The following CFAP20DC variants were observed in gnomAD, a reference collection of about 807,000 sequenced individuals.
The protein encoded by CFAP20DC is CFAP20 domain containing, also known as protein CFAP20DC.
A neutral mutation model predicts 101.7 loss-of-function variants in CFAP20DC; 84 were observed. The ratio of observed to expected loss-of-function variants is 0.83; its 90% confidence interval spans 0.69 to 0.99. The LOEUF is 0.99. CFAP20DC is among the 50% of genes least tolerant of loss of function. The probability of loss-of-function intolerance (pLI) is 0.00; values close to 1 mark genes in which losing one functional copy is unlikely to be tolerated. For missense variants in CFAP20DC, 1,007 were observed against 970.3 expected (o/e 1.04, Z -0.50); for synonymous variants, 359 against 351.2 (o/e 1.02, Z -0.25).
At position 58,870,229 on chromosome 3, in the gene CFAP20DC, C is replaced by T. The variant is rs776561565; in HGVS notation, c.796G>A (p.Val266Ile). Reference sequence around the variant, plus strand: ...CCAGAGAGTGGAGGTGGCCCAAGAACTTTGGATCCAAATGCGATATGACAA... The same window carrying T: ...CCAGAGAGTGGAGGTGGCCCAAGAATTTTGGATCCAAATGCGATATGACAA... The part of the protein sequence containing the change: ...DVCHIAFGSK[V>I]LGPPPLSGRR... The change falls in exon 8 of 17, where the codon GTT becomes ATT. Residue 266 changes from valine to isoleucine, a missense_variant. Physicochemically the swap from Val to Ile is conservative, Grantham distance 29 (BLOSUM62 3). Coordinates refer to ENST00000482387, the MANE Select transcript of CFAP20DC (RefSeq NM_001394063.1). 2.5e-6 allele frequency: 4 copies of T among 1,614,032 alleles called. No individual in the cohort carries two copies. The highest frequency in any genetic ancestry group is 2.7e-5 in the African/African-American group (2 of 74,908).
At chr3:58,834,086 T>C (rs2076578068) in intron 13 of CFAP20DC, among the ~76,000 whole-genome samples, 1 of 152,158 alleles carries the variant, frequency 6.6e-6, no homozygotes, top group Non-Finnish European at 1.5e-5. Context: ...GTTTTCCTTT[T>C]GGAGTGATTA....
intron 12 of CFAP20DC, among the ~76,000 whole-genome samples, chr3:58,854,502 C>A (rs1012798318): frequency 5.3e-5 from 8 of 152,022 alleles, no homozygotes; most frequent in Non-Finnish European, 8.8e-5. Context: ...GTTCATATGG[C>A]ACCAAAAAAG....
chr3:58,955,267 T>G (rs2090523665), intron 4 of CFAP20DC, among the ~76,000 whole-genome samples: 1 of 152,146 alleles, frequency 6.6e-6, no homozygotes, highest in East Asian at 1.9e-4. Context: ...AGGTGAGCAC[T>G]CACAGTACCT....
intron 4 of CFAP20DC, among the ~76,000 whole-genome samples, chr3:58,982,601 C>T (rs888808370): frequency 6.7e-6 from 1 of 149,548 alleles, no homozygotes; most frequent in Non-Finnish European, 1.5e-5. Context: ...CAAACTATCA[C>T]AAGGACAAAA....
At chr3:58,870,053 GTGTCTGTC>G (rs10670247) in intron 8 of CFAP20DC, 112 bp downstream of exon 8, 6 of 915,562 alleles carry the variant, frequency 6.6e-6, no homozygotes, top group Admixed American at 2.4e-5. Context: ...TTGGCATGTA[GTGTCTGTC>G]TGTCTGTCTG....
chr3:59,032,535 A>G (rs929294158), intron 4 of CFAP20DC, among the ~76,000 whole-genome samples: 3 of 152,142 alleles, frequency 2.0e-5, no homozygotes, highest in Admixed American at 1.3e-4. Flanking sequence ...ACCATTACTG[A>G]GGCTTGAGTA....
intron 4 of CFAP20DC, among the ~76,000 whole-genome samples, chr3:58,941,745 T>C (rs890832611): frequency 6.6e-6 from 1 of 152,142 alleles, no homozygotes; most frequent in Admixed American, 6.5e-5. Context: ...ATTTTTTGTA[T>C]TTTTAGTAGC....
At chr3:59,032,703 C>A (rs554087603) in intron 4 of CFAP20DC, among the ~76,000 whole-genome samples, 2 of 152,288 alleles carry the variant, frequency 1.3e-5, no homozygotes, top group South Asian at 4.1e-4. Context: ...CCCAGTCAGG[C>A]ACTTATAGAT....
chr3:58,881,493 T>G (rs1284409659), intron 7 of CFAP20DC, among the ~76,000 whole-genome samples: 1 of 152,300 alleles, frequency 6.6e-6, no homozygotes, highest in African/African-American at 2.4e-5. Context: ...TGTGAATGTG[T>G]GGTTTTTGGA....
intron 16 of CFAP20DC, among the ~76,000 whole-genome samples, chr3:58,747,210 C>A (rs1469239220): frequency 2.0e-5 from 3 of 152,232 alleles, no homozygotes; most frequent in Admixed American, 6.5e-5. Context: ...AATTACCTTT[C>A]AGATAATAAT....
intron 12 of CFAP20DC, among the ~76,000 whole-genome samples, chr3:58,852,961 A>G (rs551493895): frequency 6.6e-6 from 1 of 152,306 alleles, no homozygotes; most frequent in East Asian, 1.9e-4. Flanking sequence ...GAAAGCTAGC[A>G]GAAGGCAAGA....
At chr3:58,973,463 G>C (rs752670318) in intron 4 of CFAP20DC, among the ~76,000 whole-genome samples, 1 of 152,118 alleles carries the variant, frequency 6.6e-6, no homozygotes, top group Admixed American at 6.6e-5. Flanking sequence ...TGGTCTCCCT[G>C]CTTCCATTCT....
intron 15 of CFAP20DC, among the ~76,000 whole-genome samples, chr3:58,760,110 A>G (rs1013845982): frequency 6.6e-6 from 1 of 152,208 alleles, no homozygotes; most frequent in Non-Finnish European, 1.5e-5. Flanking sequence ...CACTGAATCT[A>G]TAAATTACCT....
intron 15 of CFAP20DC, among the ~76,000 whole-genome samples, chr3:58,765,499 A>AC (rs1381906022): frequency 6.6e-6 from 1 of 150,950 alleles, no homozygotes; most frequent in Non-Finnish European, 1.5e-5. Context: ...CCAAAAAAAA[A>AC]AAAAAAAACA....
intron 15 of CFAP20DC, chr3:58,794,246 T>C (rs2073069241): frequency 2.3e-6 from 1 of 434,070 alleles, no homozygotes; most frequent in South Asian, 1.6e-5. Flanking sequence ...TTCCCATGCC[T>C]ACACCAAACA....
intron 2 of CFAP20DC, among the ~76,000 whole-genome samples, chr3:59,046,827 G>C (rs1439802860): frequency 2.0e-5 from 3 of 152,096 alleles, no homozygotes; most frequent in Admixed American, 6.5e-5. Flanking sequence ...AGACAGTAGG[G>C]ATGAATGCTG....
intron 4 of CFAP20DC, among the ~76,000 whole-genome samples, chr3:58,977,597 T>C (rs1180848224): frequency 6.6e-6 from 1 of 152,064 alleles, no homozygotes; most frequent in Non-Finnish European, 1.5e-5. Flanking sequence ...CAAGCAGTGC[T>C]CCCTGAAAAT....
chr3:59,040,969 T>A (rs966148651), intron 3 of CFAP20DC, among the ~76,000 whole-genome samples: 5 of 151,970 alleles, frequency 3.3e-5, no homozygotes, highest in African/African-American at 9.7e-5. Flanking sequence ...TCTCTAGAAA[T>A]CTGACTTTAC....
Position 58,966,626 on chromosome 3 carries a change from C to T in CFAP20DC, c.279-28864G>A, listed in dbSNP as rs138201615. Among the ~76,000 whole-genome samples the T allele has an allele frequency of 3.4e-3, 522 of 151,426 alleles. 4 individuals carry two copies. The highest frequency in any genetic ancestry group is 0.012 in the African/African-American group (490 of 41,306). ...ATAACCTCAGCCTCCCGGGTTCAAG[C>T]GATTCTCCTACCTCAGCCTCCCGAG... is the stretch of plus-strand genomic sequence containing the variant. On this transcript the variant is annotated intron_variant, in intron 4 of 16. Transcript: ENST00000482387.
Sources: gnomAD v4.1 joint callset for allele counts (sites outside exome capture counted in the v4.1 genomes callset) on GRCh38, gnomAD v4.1.1 for gene constraint, MANE v1.5 for transcripts, NCBI Gene and HGNC (gene_info 2026-07-23, HGNC 2026-07-21) for gene names.